UGT8: variants seen among roughly 807,000 people sequenced by gnomAD.
UGT8 encodes 2-hydroxyacylsphingosine 1-beta-galactosyltransferase.
UGT8 carries 12 observed loss-of-function variants against 40.5 expected under a neutral mutation model. That is an observed-to-expected ratio of 0.30 (90% CI 0.19 to 0.48). The LOEUF (loss-of-function observed/expected upper bound fraction) is 0.48. UGT8 is among the 20% of genes least tolerant of loss of function. The probability of loss-of-function intolerance (pLI) is 0.99; values close to 1 mark genes in which losing one functional copy is unlikely to be tolerated. For missense variants in UGT8, 513 were observed against 648.7 expected, an observed-to-expected ratio of 0.79 and a Z score of 2.27; for synonymous variants, 224 against 240.4, an observed-to-expected ratio of 0.93 and a Z score of 0.63.
intron 2 of UGT8, among the ~76,000 whole-genome samples, chr4:114,630,601 G>C (rs912278126): frequency 1.3e-5 from 2 of 151,826 alleles, no homozygotes; most frequent in African/African-American, 2.4e-5. Flanking sequence ...CTCTTCATTC[G>C]GGCTGTTGAC....
At chr4:114,630,036 A>C (rs1732474593) in intron 2 of UGT8, among the ~76,000 whole-genome samples, 1 of 152,206 alleles carries the variant, frequency 6.6e-6, no homozygotes, top group Non-Finnish European at 1.5e-5. Flanking sequence ...TTCTTCACAA[A>C]TACTCTTATT....
chr4:114,606,029 A>G (rs931639458), intron 1 of UGT8, among the ~76,000 whole-genome samples: 1 of 152,202 alleles, frequency 6.6e-6, no homozygotes. Context: ...TTCTGATTTT[A>G]TTAATACCTG....
rs1354234975 is a variant in UGT8, at chr4:114,623,433, A to G, written c.553A>G (p.Thr185Ala). The change falls in exon 2 of 6, where the codon ACA becomes GCA. Residue 185 changes from threonine to alanine, a missense_variant. By Grantham distance (58) the Thr-to-Ala change is moderately conservative (BLOSUM62 0). Around this residue, in one of 3 missense-constraint regions of UGT8, gnomAD observed 335 missense variants for 444.8 expected, o/e 0.75. Transcript: ENST00000310836. The stretch of plus-strand genomic sequence containing the variant: ...CGTCCCAGAGTTTAACTCACTCCTC[A>G]CAGACCGCATGAACTTGCTGCAAAG... ...AYVPEFNSLL[T>A]DRMNLLQRMK... is the part of the protein sequence containing the mutation. The G allele has an allele frequency of 6.2e-7, 1 of 1,614,176 alleles. No individual in the cohort carries two copies. Among genetic ancestry groups the G allele is most frequent in the Non-Finnish European group, 8.5e-7 (1 of 1,180,018 alleles).
chr4:114,671,105 A>T (rs951340791), intron 5 of UGT8, among the ~76,000 whole-genome samples: 1 of 152,182 alleles, frequency 6.6e-6, no homozygotes, highest in Non-Finnish European at 1.5e-5. Context: ...AGCTATCGGG[A>T]TGTGAAGGAC....
chr4:114,598,844 C>T lies in UGT8; in HGVS notation c.-133C>T, dbSNP rs1730254883. 2.0e-5 allele frequency: 3 copies of T among 152,522 alleles called. No homozygotes were observed. Among genetic ancestry groups the T allele is most frequent in the Non-Finnish European group, 4.4e-5 (3 of 68,380 alleles). 9.4% of individuals were successfully genotyped at this position (152,522 alleles called of 1,614,324 possible). ...TTAGCCAACACGCTAACTCCGAAGCCTCCCTTACGCCCCCGAACCACCGAA... is the reference window on the plus strand; with the variant it reads ...TTAGCCAACACGCTAACTCCGAAGCTTCCCTTACGCCCCCGAACCACCGAA... On this transcript the variant is annotated 5_prime_UTR_variant, in exon 1 of 6. Coordinates refer to ENST00000310836, the MANE Select transcript of UGT8 (RefSeq NM_001128174.3).
intron 2 of UGT8, among the ~76,000 whole-genome samples, chr4:114,637,585 C>G (rs1009772490): frequency 6.6e-6 from 1 of 151,982 alleles, no homozygotes; most frequent in Non-Finnish European, 1.5e-5. Flanking sequence ...GTCTCATTTA[C>G]CTGAACGACA....
At chr4:114,605,619 C>T (rs1730686450) in intron 1 of UGT8, among the ~76,000 whole-genome samples, 1 of 152,088 alleles carries the variant, frequency 6.6e-6, no homozygotes. Flanking sequence ...TAAGCTATAA[C>T]TTGCTTTAAT....
In UGT8 at chr4:114,640,765, T is replaced by A. The variant is rs116257144; in HGVS notation, c.822+17063T>A. ...GAGATTGTGCAGAAAAATTCCTGTT[T>A]TAAAAATCATCAGATCTTGTGAGAC... On this transcript the variant is annotated intron_variant, in intron 2 of 5. Coordinates refer to ENST00000310836, the MANE Select transcript of UGT8 (RefSeq NM_001128174.3). Among the ~76,000 whole-genome samples, 929 of 152,198 alleles carry A rather than the reference T, an allele frequency of 6.1e-3. 12 individuals are homozygous for A. Among genetic ancestry groups the A allele is most frequent in the African/African-American group, 0.021 (888 of 41,506 alleles).
At chr4:114,640,399 C>T (rs1441224102) in intron 2 of UGT8, among the ~76,000 whole-genome samples, 2 of 152,110 alleles carry the variant, frequency 1.3e-5, no homozygotes, top group African/African-American at 2.4e-5. Context: ...AGGAGGAATA[C>T]ATTTATAGGT....
At chr4:114,661,891 C>G (rs555284690) in intron 2 of UGT8, among the ~76,000 whole-genome samples, 6 of 152,272 alleles carry the variant, frequency 3.9e-5, no homozygotes, top group African/African-American at 1.4e-4. Flanking sequence ...ATGGTGCTTA[C>G]ATACACCATG....
intron 4 of UGT8, 78 bp downstream of exon 4, chr4:114,665,834 T>A: frequency 9.4e-7 from 1 of 1,065,696 alleles, no homozygotes; most frequent in Non-Finnish European, 1.4e-6. Context: ...TTTTTTTTAC[T>A]TCAGAGGTTC....
In UGT8 at chr4:114,675,935, A is replaced by G. The variant is rs1304700683; in HGVS notation, c.1273A>G (p.Arg425Gly). ...GTCCCCTCTCCATAGCTACCGTCAG[A>G]GGGCTCAGAAGCTTTCGGAAATTCA... is the stretch of plus-strand genomic sequence containing the variant. ...KVINNPSYRQ[R>G]AQKLSEIHKD... Residue 425 changes from arginine to glycine, a missense_variant, in exon 6 of 6, where the codon AGG becomes GGG. Physicochemically the swap from Arg to Gly is moderately radical, Grantham distance 125. This residue lies in a region of UGT8 where 175 missense variants were observed against 186.7 expected (regional missense o/e 0.94). Transcript: ENST00000310836. 2 of 1,611,780 alleles carry G rather than the reference A, an allele frequency of 1.2e-6. No individual in the cohort carries two copies. Among genetic ancestry groups the G allele is most frequent in the Non-Finnish European group, 1.7e-6 (2 of 1,178,390 alleles).
At position 114,664,115 on chromosome 4, in the gene UGT8, T is replaced by C. The variant is rs577909322; in HGVS notation, c.943T>C (p.Leu315=). Residue 315 remains leucine, a synonymous_variant, in exon 3 of 6, where the codon TTG becomes CTG. Coordinates refer to ENST00000310836, the MANE Select transcript of UGT8 (RefSeq NM_001128174.3). The part of the protein sequence containing the change: ...ANKLAGALGR[L]PQKVIWRFSG... ...CAAACTGGCAGGAGCTCTGGGGAGA[T>C]TGCCTCAAAAAGTGATTTGGAGGTA... 7.6e-5 allele frequency: 122 copies of C among 1,613,876 alleles called. No individual in the cohort carries two copies. In the South Asian group the frequency reaches 1.3e-3, roughly 17 times the overall value.
intron 2 of UGT8, among the ~76,000 whole-genome samples, chr4:114,659,251 CA>C (rs1734372959): frequency 1.3e-5 from 2 of 152,294 alleles, no homozygotes; most frequent in South Asian, 4.2e-4. Flanking sequence ...TAAAAGACTT[CA>C]AACAGATGAC....
intron 1 of UGT8, among the ~76,000 whole-genome samples, chr4:114,611,519 G>A (rs935704099): frequency 5.9e-4 from 40 of 67,452 alleles, no homozygotes; most frequent in South Asian, 2.3e-3. Context: ...TAAGATAGCC[G>A]TATATATCCA....
At chr4:114,637,040 G>A (rs1342830751) in intron 2 of UGT8, among the ~76,000 whole-genome samples, 1 of 152,192 alleles carries the variant, frequency 6.6e-6, no homozygotes, top group Non-Finnish European at 1.5e-5. Flanking sequence ...TCTAGTAACA[G>A]TGAGGCATTA....
chr4:114,648,306 G>A (rs1162140078), intron 2 of UGT8, among the ~76,000 whole-genome samples: 1 of 151,430 alleles, frequency 6.6e-6, no homozygotes. Context: ...TGTAAATGCT[G>A]TGAGCATGAG....
intron 3 of UGT8, 85 bp downstream of exon 3, chr4:114,664,222 C>T: frequency 6.9e-7 from 1 of 1,439,500 alleles, no homozygotes. Flanking sequence ...AAGCACAGCA[C>T]ATTGTTTCCC....
At chr4:114,604,539 G>A (rs146791771) in intron 1 of UGT8, among the ~76,000 whole-genome samples, 1 of 150,544 alleles carries the variant, frequency 6.6e-6, no homozygotes, top group Non-Finnish European at 1.5e-5. Flanking sequence ...TTTCTGTTTG[G>A]ATGAAGTGAT....
Sources: gnomAD v4.1 joint callset for allele counts (sites outside exome capture counted in the v4.1 genomes callset) on GRCh38, gnomAD v4.1.1 for gene constraint, gnomAD v4.1.1 regional missense constraint, MANE v1.5 for transcripts, NCBI Gene and HGNC (gene_info 2026-07-23, HGNC 2026-07-21) for gene names.